Variants in LARP4B observed in about 807,000 individuals in gnomAD.
The protein encoded by LARP4B is La ribonucleoprotein 4B.
In LARP4B, 12 loss-of-function variants were observed where a neutral mutation model predicts 89.8. That is an observed-to-expected ratio of 0.13 (90% CI 0.09 to 0.22). The LOEUF (loss-of-function observed/expected upper bound fraction) is 0.22. Among genes scored for constraint, LARP4B ranks in the 10% least tolerant of loss-of-function variants. The pLI is 1.00. For missense variants in LARP4B, 757 were observed against 947.7 expected (o/e 0.80, Z 2.64); for synonymous variants, 367 against 363.3 (o/e 1.01, Z -0.12).
At chr10:948,604 A>G in the LARP4B span, among the ~76,000 whole-genome samples, 1 of 152,346 alleles carries the variant, frequency 6.6e-6, no homozygotes, top group Admixed American at 6.5e-5. Context: ...CTTGTGGCCC[A>G]GGCACAGACG....
chr10:889,435 T>C (rs1473971075), intron 1 of LARP4B, among the ~76,000 whole-genome samples: 1 of 151,892 alleles, frequency 6.6e-6, no homozygotes, highest in Non-Finnish European at 1.5e-5. Context: ...CCACCGAACA[T>C]GCACACCTTT....
At chr10:849,093 C>T (rs1048853221) in intron 5 of LARP4B, among the ~76,000 whole-genome samples, 14 of 151,840 alleles carry the variant, frequency 9.2e-5, no homozygotes, top group Admixed American at 6.6e-4. Flanking sequence ...CTGTGTTAGC[C>T]GGAGGAAGTG....
At chr10:836,812 G>T (rs896865847) in intron 7 of LARP4B, among the ~76,000 whole-genome samples, 1 of 152,200 alleles carries the variant, frequency 6.6e-6, no homozygotes, top group Non-Finnish European at 1.5e-5. Context: ...AGATAATCTT[G>T]TTTCATAACT....
intron 5 of LARP4B, among the ~76,000 whole-genome samples, chr10:862,265 A>AC (rs1325476547): frequency 1.3e-5 from 2 of 148,864 alleles, no homozygotes; most frequent in Non-Finnish European, 3.0e-5. Context: ...TTAAAAAAAA[A>AC]AAAAAAAAAA....
chr10:906,635 T>C (rs150652877), intron 1 of LARP4B, among the ~76,000 whole-genome samples: 17 of 152,312 alleles, frequency 1.1e-4, no homozygotes, highest in Middle Eastern at 3.4e-3. Context: ...TTCACAACCA[T>C]ATGCTCAGTT....
chr10:981,868 G>A, the LARP4B span, among the ~76,000 whole-genome samples: 1 of 152,018 alleles, frequency 6.6e-6, no homozygotes, highest in Admixed American at 6.6e-5. Context: ...ACCCAGCCAT[G>A]TACTGTTTTC....
chr10:872,660 TGG>T (rs1835277147), intron 3 of LARP4B, among the ~76,000 whole-genome samples: 1 of 152,210 alleles, frequency 6.6e-6, no homozygotes, highest in Non-Finnish European at 1.5e-5. Context: ...ACAGTGCAGA[TGG>T]CCACTCACAA....
chr10:967,752 T>G, the LARP4B span, among the ~76,000 whole-genome samples: 1 of 152,124 alleles, frequency 6.6e-6, no homozygotes. Flanking sequence ...TTAAGCTTCC[T>G]CACCCAGCCA....
chr10:970,336 A>G, the LARP4B span, among the ~76,000 whole-genome samples: 1 of 152,212 alleles, frequency 6.6e-6, no homozygotes, highest in East Asian at 1.9e-4. Flanking sequence ...CTCCTGCCAC[A>G]GGGCAGAACA....
chr10:842,231 C>A (rs1035701239), intron 7 of LARP4B, among the ~76,000 whole-genome samples: 2 of 151,330 alleles, frequency 1.3e-5, no homozygotes, highest in African/African-American at 2.4e-5. Flanking sequence ...TGGAGTCTAT[C>A]TCTGTCGCCA....
chr10:960,837 G>A, the LARP4B span, among the ~76,000 whole-genome samples: 1 of 151,918 alleles, frequency 6.6e-6, no homozygotes, highest in Admixed American at 6.6e-5. Flanking sequence ...ACTCCACTCT[G>A]GCATGTAAGG....
the LARP4B span, among the ~76,000 whole-genome samples, chr10:965,248 C>G: frequency 6.6e-6 from 1 of 152,210 alleles, no homozygotes; most frequent in African/African-American, 2.4e-5. Flanking sequence ...GTCGGCGTCT[C>G]CCACGGTGGT....
At chr10:832,014 T>C (rs557049697) in intron 8 of LARP4B, among the ~76,000 whole-genome samples, 1 of 152,272 alleles carries the variant, frequency 6.6e-6, no homozygotes, top group South Asian at 2.1e-4. Flanking sequence ...ATTAAATATA[T>C]ATGGAAGATT....
At chr10:865,532 C>G (rs558869861) in intron 3 of LARP4B, among the ~76,000 whole-genome samples, 2 of 152,336 alleles carry the variant, frequency 1.3e-5, no homozygotes, top group South Asian at 4.1e-4. Flanking sequence ...TCTGGGCACA[C>G]TGGCACTTTT....
At chr10:914,613 G>A (rs529693247) in intron 1 of LARP4B, among the ~76,000 whole-genome samples, 1 of 151,892 alleles carries the variant, frequency 6.6e-6, no homozygotes, top group Non-Finnish European at 1.5e-5. Flanking sequence ...TGACCAACAT[G>A]GTGAAACCCC....
intron 5 of LARP4B, among the ~76,000 whole-genome samples, chr10:850,800 A>G (rs1834006669): frequency 6.6e-6 from 1 of 152,222 alleles, no homozygotes; most frequent in African/African-American, 2.4e-5. Flanking sequence ...TAAACTAGAA[A>G]TTAATAAAAG....
At chr10:954,607 C>T in the LARP4B span, among the ~76,000 whole-genome samples, 20 of 152,068 alleles carry the variant, frequency 1.3e-4, no homozygotes, top group Non-Finnish European at 2.8e-4. The surrounding 1 kb of genome is among the most constrained non-coding windows in gnomAD (Gnocchi z 5.0). Flanking sequence ...GTCACGGGAC[C>T]GAGAGGCCAC....
upstream of LARP4B, among the ~76,000 whole-genome samples, chr10:935,722 C>CTTTTTTTTTTTTTTTTTTTTTTTTTTTT (rs10711022): frequency 3.6e-5 from 3 of 83,920 alleles, no homozygotes; most frequent in South Asian, 4.9e-4. Flanking sequence ...CTTTTCTTTT[C>CTTTTTTTTTTTTTTTTTTTTTTTTTTTT]TTTTTTTTTT....
chr10:863,891 T>C lies in LARP4B; in HGVS notation c.290-8A>G, dbSNP rs1834757665. 6.2e-7 allele frequency: 1 copy of C among 1,606,470 alleles called. No homozygotes were observed. The highest frequency in any genetic ancestry group is 1.1e-5 in the South Asian group (1 of 89,452). On this transcript the variant is annotated splice_polypyrimidine_tract_variant and splice_region_variant and intron_variant, in intron 4 of 17. Coordinates refer to ENST00000316157, the MANE Select transcript of LARP4B (RefSeq NM_015155.3). ...CACCATTGGCATCCGATCCTACAATTAGGAGTTTACCCCAAAAAGGCAGGG... is the reference window on the plus strand; with the variant it reads ...CACCATTGGCATCCGATCCTACAATCAGGAGTTTACCCCAAAAAGGCAGGG...
Sources: allele counts gnomAD v4.1 joint callset (sites outside exome capture counted in the v4.1 genomes callset), GRCh38; gene constraint gnomAD v4.1.1; non-coding constraint Gnocchi (gnomAD v3.1); transcripts MANE v1.5; gene names NCBI Gene and HGNC (gene_info 2026-07-23, HGNC 2026-07-21).